The following IQCH variants were observed in gnomAD, a reference collection of about 807,000 sequenced individuals.
The protein encoded by IQCH is IQ motif containing H.
Under a neutral mutation model 117.0 loss-of-function variants are expected in IQCH, and 98 were observed. That is an observed-to-expected ratio of 0.84 (90% CI 0.71 to 0.99). The LOEUF (loss-of-function observed/expected upper bound fraction) is 0.99, where lower values mean the gene tolerates loss of function less well. Ranked by LOEUF, IQCH falls within the 50% of genes least tolerant of loss-of-function variation. The pLI, the probability that IQCH is intolerant of heterozygous loss-of-function variation, is 0.00. For missense variants in IQCH, 1,102 were observed against 1,243.8 expected (o/e 0.89, Z 1.72); for synonymous variants, 412 against 448.2 (o/e 0.92, Z 1.02).
chr15:67,387,165 G>A lies in IQCH; in HGVS notation c.1457-1666G>A, dbSNP rs1971134228. On this transcript the variant is annotated intron_variant, in intron 11 of 20. Coordinates refer to ENST00000335894, the MANE Select transcript of IQCH (RefSeq NM_001031715.3). This position sits in a 1 kb window ranked among gnomAD's most constrained non-coding sequence, Gnocchi z 4.8. ...TTGATGATTCAGCAATTGGATGCAA[G>A]TTATTTACTTACTGCCTCCTCAGTT... 6.6e-6 allele frequency among the ~76,000 whole-genome samples: 1 copy of A among 152,136 alleles called. No homozygotes were observed. Among genetic ancestry groups the A allele is most frequent in the African/African-American group, 2.4e-5 (1 of 41,432 alleles).
intron 16 of IQCH, among the ~76,000 whole-genome samples, chr15:67,460,521 A>C (rs1297689182): frequency 6.6e-6 from 1 of 152,188 alleles, no homozygotes; most frequent in East Asian, 1.9e-4. Flanking sequence ...CTTTTTAGCC[A>C]CTGCCAAAAC....
intron 4 of IQCH, among the ~76,000 whole-genome samples, chr15:67,291,491 T>G (rs1416643008): frequency 6.6e-6 from 1 of 152,206 alleles, no homozygotes; most frequent in East Asian, 1.9e-4. Flanking sequence ...AAAAAAATAC[T>G]GTGCTCTAGT....
In IQCH at chr15:67,494,367, G is replaced by T; in HGVS notation, c.2970+1G>T. The stretch of plus-strand genomic sequence containing the variant: ...TATGCAAGGCGAGACCAATTTTAAG[G>T]TGAGGTGTTAATTAACTAACGATTC... On this transcript the variant is annotated splice_donor_variant, in intron 20 of 20. Coordinates refer to ENST00000335894, the MANE Select transcript of IQCH (RefSeq NM_001031715.3). LOFTEE classifies it high-confidence loss of function. This position sits in a 1 kb window ranked among gnomAD's most constrained non-coding sequence, Gnocchi z 5.5. 6.3e-7 allele frequency: 1 copy of T among 1,597,882 alleles called. No homozygotes were observed. Among genetic ancestry groups the T allele is most frequent in the Non-Finnish European group, 8.6e-7 (1 of 1,167,640 alleles).
chr15:67,291,156 T>C (rs1379090395), intron 4 of IQCH, among the ~76,000 whole-genome samples: 4 of 152,178 alleles, frequency 2.6e-5, no homozygotes, highest in Non-Finnish European at 5.9e-5. Flanking sequence ...ATTGTTCAGC[T>C]TGGATACCTA....
chr15:67,310,495 C>T (rs191070576), intron 4 of IQCH, among the ~76,000 whole-genome samples: 3 of 152,048 alleles, frequency 2.0e-5, no homozygotes, highest in Non-Finnish European at 4.4e-5. Context: ...GTGCCTGACT[C>T]CTCGTAATCA....
At chr15:67,429,506 A>C (rs926981510) in intron 16 of IQCH, among the ~76,000 whole-genome samples, 13 of 152,372 alleles carry the variant, frequency 8.5e-5, no homozygotes, top group Admixed American at 3.9e-4. Context: ...CAACAGAACG[A>C]GACCCTGTCT....
intron 16 of IQCH, among the ~76,000 whole-genome samples, chr15:67,428,443 C>A (rs1223540472): frequency 6.6e-6 from 1 of 152,128 alleles, no homozygotes; most frequent in Admixed American, 6.5e-5. Flanking sequence ...AATCTGTGAA[C>A]ATTATGTTGC....
At chr15:67,297,968 G>T (rs1266061910) in intron 4 of IQCH, among the ~76,000 whole-genome samples, 1 of 151,992 alleles carries the variant, frequency 6.6e-6, no homozygotes, top group African/African-American at 2.4e-5. Context: ...TATATTAGGA[G>T]CTCAAGCTAC....
rs1343523842 is a variant in IQCH at position 67,359,720 on chromosome 15, AAG to A, written c.715-121_715-120del. ...AATTATTAGCTCCTGCCTGCGTGGAAAGAGAGAACAGGCTGGCCCAGCGGGTA... is the reference window on the plus strand; with the variant it reads ...AATTATTAGCTCCTGCCTGCGTGGAAAGAGAACAGGCTGGCCCAGCGGGTA... On this transcript the variant is annotated intron_variant, in intron 7 of 20. Transcript: ENST00000335894. This position sits in a 1 kb window ranked among gnomAD's most constrained non-coding sequence, Gnocchi z 4.5. 1.5e-5 allele frequency: 12 copies of A among 798,974 alleles called. No individual in the cohort carries two copies. The highest frequency in any genetic ancestry group is 2.2e-5 in the Non-Finnish European group (10 of 455,672). 49.5% of individuals were successfully genotyped at this position (798,974 alleles called of 1,614,324 possible).
intron 4 of IQCH, among the ~76,000 whole-genome samples, chr15:67,325,414 T>C (rs1968362121): frequency 6.6e-6 from 1 of 152,154 alleles, no homozygotes; most frequent in African/African-American, 2.4e-5. Context: ...AATTATGCCT[T>C]AATAAAGTTG....
At chr15:67,434,997 T>G (rs7495019) in intron 16 of IQCH, among the ~76,000 whole-genome samples, 2 of 134,378 alleles carry the variant, frequency 1.5e-5, no homozygotes, top group East Asian at 4.5e-4. Flanking sequence ...GTTTTTTTTT[T>G]AATTTTTTTT....
At position 67,490,302 on chromosome 15, in the gene IQCH, T is replaced by G. The variant is rs1220396424; in HGVS notation, c.2861+238T>G. Among the ~76,000 whole-genome samples the G allele has an allele frequency of 6.6e-6, 1 of 151,966 alleles. No homozygotes were observed. The highest frequency in any genetic ancestry group is 6.6e-5 in the Admixed American group (1 of 15,266). The stretch of plus-strand genomic sequence containing the variant: ...CTCACTGCAACCTCCACCTCCCGGG[T>G]TCAAGCGATTCTCCTGCCTCAGCCT... On this transcript the variant is annotated intron_variant, in intron 19 of 20. Coordinates refer to ENST00000335894, the MANE Select transcript of IQCH (RefSeq NM_001031715.3). The surrounding 1 kb of genome is among the most constrained non-coding windows in gnomAD (Gnocchi z 4.9).
intron 4 of IQCH, among the ~76,000 whole-genome samples, chr15:67,312,725 A>C (rs928824100): frequency 3.3e-5 from 5 of 152,182 alleles, no homozygotes; most frequent in Non-Finnish European, 5.9e-5. Flanking sequence ...GTTCTGTTTA[A>C]AATGAAGCAA....
intron 1 of IQCH, 51 bp downstream of exon 1, chr15:67,254,998 G>C (rs1034092213): frequency 3.8e-6 from 6 of 1,564,492 alleles, no homozygotes; most frequent in Non-Finnish European, 5.3e-6. Flanking sequence ...CGCCACTTCC[G>C]AGCGAGGTCC....
At position 67,395,703 on chromosome 15, in the gene IQCH, TTTA is replaced by T; in HGVS notation, c.1905+143_1905+145del. The T allele has an allele frequency of 4.0e-5, 2 of 49,874 alleles. No homozygotes were observed. Among genetic ancestry groups the T allele is most frequent in the African/African-American group, 9.9e-4 (2 of 2,030 alleles). 3.1% of individuals were successfully genotyped at this position (49,874 alleles called of 1,614,324 possible). A position where few individuals can be genotyped will look rare whatever the true frequency, so the allele number is the denominator to read the frequency against. ...TTTGAGTTGATTTGAGGGAATCTAC[TTTA>T]TTTATTTATTTATTTATTTATTTAT... On this transcript the variant is annotated intron_variant, in intron 13 of 20. Coordinates refer to ENST00000335894, the MANE Select transcript of IQCH (RefSeq NM_001031715.3). This position sits in a 1 kb window ranked among gnomAD's most constrained non-coding sequence, Gnocchi z 4.0.
chr15:67,350,512 C>T (rs767604901), intron 6 of IQCH, among the ~76,000 whole-genome samples: 46 of 152,028 alleles, frequency 3.0e-4, no homozygotes, highest in African/African-American at 4.1e-4. Flanking sequence ...CTACAACCTC[C>T]GCCTCCCAGG....
Position 67,496,321 on chromosome 15 carries a change from C to T in IQCH, c.2970+1955C>T, listed in dbSNP as rs1451887887. On this transcript the variant is annotated intron_variant, in intron 20 of 20. Transcript: ENST00000335894. This position sits in a 1 kb window ranked among gnomAD's most constrained non-coding sequence, Gnocchi z 4.4. ...AAGATAATGCAGAAAATGCATTTAA[C>T]AAAATGTAACATTCTTTTCTGATAA... Among the ~76,000 whole-genome samples, 1 of 152,090 alleles carries T rather than the reference C, an allele frequency of 6.6e-6. No homozygotes were observed. Among genetic ancestry groups the T allele is most frequent in the Non-Finnish European group, 1.5e-5 (1 of 68,010 alleles).
At position 67,445,085 on chromosome 15, in the gene IQCH, G is replaced by C. The variant is rs2082361831; in HGVS notation, c.2506-20042G>C. On this transcript the variant is annotated intron_variant, in intron 16 of 20. Transcript: ENST00000335894. This position sits in a 1 kb window ranked among gnomAD's most constrained non-coding sequence, Gnocchi z 4.3. ...ACTTGGAAAGTGGTGGCTTTGGTAT[G>C]ATTTTTTTTAAAGGAAATATCAGAT... Among the ~76,000 whole-genome samples the C allele has an allele frequency of 6.6e-6, 1 of 152,052 alleles. No individual in the cohort carries two copies. Among genetic ancestry groups the C allele is most frequent in the Non-Finnish European group, 1.5e-5 (1 of 67,996 alleles).
intron 5 of IQCH, among the ~76,000 whole-genome samples, chr15:67,339,343 A>C (rs532469378): frequency 6.6e-6 from 1 of 152,326 alleles, no homozygotes; most frequent in African/African-American, 2.4e-5. Flanking sequence ...AAATGAACAC[A>C]GGTCAAAGAT....
Sources: gnomAD v4.1 joint callset for allele counts (sites outside exome capture counted in the v4.1 genomes callset) on GRCh38, gnomAD v4.1.1 for gene constraint, Gnocchi (gnomAD v3.1) non-coding constraint, MANE v1.5 for transcripts, NCBI Gene and HGNC (gene_info 2026-07-23, HGNC 2026-07-21) for gene names.